The following SPATA13 variants were observed in gnomAD, a reference collection of about 807,000 sequenced individuals.
SPATA13 encodes spermatogenesis-associated protein 13.
Under a neutral mutation model 104.0 loss-of-function variants are expected in SPATA13, and 50 were observed. The observed-to-expected ratio is 0.48, with a 90% CI of 0.38 to 0.61. The LOEUF is 0.61. SPATA13 is among the 20% of genes least tolerant of loss of function. The pLI, the probability that SPATA13 is intolerant of heterozygous loss-of-function variation, is 0.00. For missense variants in SPATA13, 1,524 were observed against 1,690.6 expected, an observed-to-expected ratio of 0.90 and a Z score of 1.73; for synonymous variants, 606 against 667.5, an observed-to-expected ratio of 0.91 and a Z score of 1.42.
At chr13:24,230,623 G>A (rs1181530508) in intron 2 of SPATA13, among the ~76,000 whole-genome samples, 1 of 152,156 alleles carries the variant, frequency 6.6e-6, no homozygotes, top group African/African-American at 2.4e-5. Flanking sequence ...TAAGTGTCCC[G>A]ACCACATAGG....
Position 24,223,214 on chromosome 13 carries a change from G to C in SPATA13, c.285G>C (p.Leu95=). Residue 95 remains leucine, a synonymous_variant, in exon 2 of 13, where the codon CTG becomes CTC. Coordinates refer to ENST00000382108, the MANE Select transcript of SPATA13 (RefSeq NM_001166271.3). ...AHPERPHSMV[L]VGNSSTWNTL... is the part of the protein sequence containing the mutation. ...CCGAGCGGCCCCACTCCATGGTCCT[G>C]GTGGGGAACTCCTCCACATGGAACA... 1.9e-6 allele frequency: 3 copies of C among 1,551,708 alleles called. No individual in the cohort carries two copies. The highest frequency in any genetic ancestry group is 1.7e-6 in the Non-Finnish European group (2 of 1,146,998).
intron 3 of SPATA13, among the ~76,000 whole-genome samples, chr13:24,059,120 C>T (rs1264349538): frequency 1.3e-5 from 2 of 151,760 alleles, no homozygotes; most frequent in East Asian, 1.9e-4. Context: ...TACAGTCGCC[C>T]ACCACCATGT....
intron 3 of SPATA13, among the ~76,000 whole-genome samples, chr13:24,049,860 C>T (rs1017374429): frequency 6.6e-6 from 1 of 152,048 alleles, no homozygotes; most frequent in African/African-American, 2.4e-5. Context: ...CATTTGCAGA[C>T]ATTTTCAGAC....
chr13:24,149,337 C>G (rs916778218), intron 3 of SPATA13, among the ~76,000 whole-genome samples: 1 of 152,228 alleles, frequency 6.6e-6, no homozygotes. Context: ...GTTTGTCATT[C>G]TCTTTATGTT....
At chr13:24,112,039 G>A (rs1880657059) in intron 3 of SPATA13, among the ~76,000 whole-genome samples, 1 of 152,078 alleles carries the variant, frequency 6.6e-6, no homozygotes, top group Non-Finnish European at 1.5e-5. Flanking sequence ...TAGTTCTTTG[G>A]CCTCATCTTC....
intron 1 of SPATA13, among the ~76,000 whole-genome samples, chr13:24,209,262 C>G (rs1870883175): frequency 6.6e-6 from 1 of 152,186 alleles, no homozygotes; most frequent in Non-Finnish European, 1.5e-5. Context: ...TCTATTAAAC[C>G]TCAGTTAGGC....
intron 1 of SPATA13, among the ~76,000 whole-genome samples, chr13:24,194,767 C>T (rs1049870515): frequency 6.6e-6 from 1 of 152,188 alleles, no homozygotes; most frequent in Non-Finnish European, 1.5e-5. Flanking sequence ...GAATCTTGAC[C>T]TCACTTGTCG....
At chr13:24,232,576 C>G (rs914462757) in intron 2 of SPATA13, among the ~76,000 whole-genome samples, 1 of 152,202 alleles carries the variant, frequency 6.6e-6, no homozygotes, top group African/African-American at 2.4e-5. Context: ...GGGTCTCACT[C>G]TCTTGCCCAG....
chr13:24,263,923 G>C (rs533511686), intron 4 of SPATA13, among the ~76,000 whole-genome samples: 1 of 152,310 alleles, frequency 6.6e-6, no homozygotes, highest in East Asian at 1.9e-4. Context: ...GAGTCCGAAG[G>C]AATTTAGAAA....
At position 24,161,506 on chromosome 13, in the gene SPATA13, A is replaced by G. The variant is rs2138485713; in HGVS notation, c.-112+574A>G. Among the ~76,000 whole-genome samples the G allele has an allele frequency of 6.6e-6, 1 of 152,308 alleles. No individual in the cohort carries two copies. Among genetic ancestry groups the G allele is most frequent in the East Asian group, 1.9e-4 (1 of 5,180 alleles). ...GCCCATCGTCTGTGGACTGCAGGGAATGCATTGGCGGAGTTGGTTTGGTCC... is the reference window on the plus strand; with the variant it reads ...GCCCATCGTCTGTGGACTGCAGGGAGTGCATTGGCGGAGTTGGTTTGGTCC... On this transcript the variant is annotated intron_variant, in intron 1 of 12. Coordinates refer to ENST00000382108, the MANE Select transcript of SPATA13 (RefSeq NM_001166271.3). The surrounding 1 kb of genome is among the most constrained non-coding windows in gnomAD (Gnocchi z 4.5).
exon 2 of SPATA13, chr13:23,983,824 G>A (rs935594186): frequency 5.3e-6 from 5 of 948,720 alleles, no homozygotes; most frequent in East Asian, 1.2e-4. Context: ...GCTGCAGAGT[G>A]ATGGGAGTCA....
At chr13:24,251,687 C>G (rs1873490975) in intron 3 of SPATA13, 31 bp from the exon 4 acceptor site, 1 of 1,611,074 alleles carries the variant, frequency 6.2e-7, no homozygotes, top group Non-Finnish European at 8.5e-7. Flanking sequence ...CTTCCTGGTA[C>G]CTCCTCACAG....
chr13:24,173,994 A>G (rs1011690988), intron 1 of SPATA13, among the ~76,000 whole-genome samples: 3 of 152,200 alleles, frequency 2.0e-5, no homozygotes, highest in East Asian at 1.9e-4. Flanking sequence ...GAGTCAGGAA[A>G]TGTTCCTCTT....
At chr13:24,163,812 T>C (rs9511097) in intron 1 of SPATA13, among the ~76,000 whole-genome samples, 70,691 of 152,046 alleles carry the variant, frequency 0.46, 17,476 homozygotes, top group Non-Finnish European at 0.55. Context: ...GCTTGGTAGG[T>C]TGACCTCTCT....
At chr13:24,192,542 CT>C (rs1408400156) in intron 1 of SPATA13, among the ~76,000 whole-genome samples, 1 of 152,138 alleles carries the variant, frequency 6.6e-6, no homozygotes, top group African/African-American at 2.4e-5. Flanking sequence ...TCTGCACTCA[CT>C]CCAGACATCT....
chr13:24,138,585 T>C (rs1881650368), intron 3 of SPATA13, among the ~76,000 whole-genome samples: 1 of 152,084 alleles, frequency 6.6e-6, no homozygotes, highest in Non-Finnish European at 1.5e-5. Flanking sequence ...TCTTTTTTTG[T>C]TTTTTAATTT....
At chr13:24,003,854 G>GA (rs1417982084) in intron 2 of SPATA13, among the ~76,000 whole-genome samples, 1 of 152,064 alleles carries the variant, frequency 6.6e-6, no homozygotes, top group African/African-American at 2.4e-5. Context: ...AGAGACGTGG[G>GA]AAAAAACACA....
chr13:24,157,359 C>T (rs566770236), upstream of SPATA13, among the ~76,000 whole-genome samples: 522 of 152,114 alleles, frequency 3.4e-3, 2 homozygotes, highest in Middle Eastern at 0.014. Flanking sequence ...AGTGCAGGGG[C>T]GCGATCGCGG....
At chr13:24,236,615 G>T (rs906322229) in intron 2 of SPATA13, among the ~76,000 whole-genome samples, 56 of 136,510 alleles carry the variant, frequency 4.1e-4, no homozygotes, top group African/African-American at 1.5e-3. Flanking sequence ...AAAAAAAAAA[G>T]ATATGCAAAT....
Sources: gnomAD v4.1 joint callset for allele counts (sites outside exome capture counted in the v4.1 genomes callset) on GRCh38, gnomAD v4.1.1 for gene constraint, Gnocchi (gnomAD v3.1) non-coding constraint, MANE v1.5 for transcripts, NCBI Gene and HGNC (gene_info 2026-07-23, HGNC 2026-07-21) for gene names.